The following AP1M1 variants were observed in gnomAD, a reference collection of about 807,000 sequenced individuals.
The protein encoded by AP1M1 is adaptor related protein complex 1 subunit mu 1.
Under a neutral mutation model 57.1 loss-of-function variants are expected in AP1M1, and 18 were observed. The ratio of observed to expected loss-of-function variants is 0.32; its 90% CI spans 0.22 to 0.47. AP1M1 has a LOEUF of 0.47. Ranked by LOEUF, AP1M1 falls within the 20% of genes least tolerant of loss-of-function variation. The pLI, the probability that AP1M1 is intolerant of heterozygous loss-of-function variation, is 1.00. For synonymous variants in AP1M1, 241 were observed against 237.9 expected (o/e 1.01, Z -0.12); for missense variants, 362 against 593.5 (o/e 0.61, Z 4.05).
intron 5 of AP1M1, among the ~76,000 whole-genome samples, chr19:16,225,210 C>T (rs1599463863): frequency 1.3e-5 from 2 of 152,194 alleles, no homozygotes; most frequent in African/African-American, 4.8e-5. Flanking sequence ...GTTTGTCTAC[C>T]CAGTGCTTTT....
intron 2 of AP1M1, among the ~76,000 whole-genome samples, chr19:16,204,156 G>A (rs2091460353): frequency 6.6e-6 from 1 of 152,084 alleles, no homozygotes; most frequent in African/African-American, 2.4e-5. Flanking sequence ...AGAGGACATG[G>A]GTAGGTGGGG....
rs1474543510 is a variant in AP1M1 at position 16,206,558 on chromosome 19, C to T, written c.267+150C>T. 1 of 755,022 alleles carries T rather than the reference C, an allele frequency of 1.3e-6. No homozygotes were observed. The highest frequency in any genetic ancestry group is 2.3e-6 in the Non-Finnish European group (1 of 443,792). 46.8% of individuals were successfully genotyped at this position (755,022 alleles called of 1,614,324 possible). On this transcript the variant is annotated intron_variant, in intron 3 of 11. Coordinates refer to ENST00000291439, the MANE Select transcript of AP1M1 (RefSeq NM_032493.4). The surrounding 1 kb of genome is among the most constrained non-coding windows in gnomAD (Gnocchi z 4.3). Reference sequence around the variant, plus strand: ...GCCCAGGAAGTGGGAAAGGGGAGTCCCAACTCCCCACGCCTGTGGAATTCT... The same window carrying T: ...GCCCAGGAAGTGGGAAAGGGGAGTCTCAACTCCCCACGCCTGTGGAATTCT...
At chr19:16,211,604 GC>G in intron 5 of AP1M1, among the ~76,000 whole-genome samples, 1 of 152,224 alleles carries the variant, frequency 6.6e-6, no homozygotes, top group Admixed American at 6.5e-5. Context: ...AGGAAAATTA[GC>G]CGGGCGTGGT....
intron 5 of AP1M1, among the ~76,000 whole-genome samples, chr19:16,213,494 G>A (rs1345761715): frequency 1.3e-5 from 2 of 151,744 alleles, no homozygotes; most frequent in East Asian, 3.9e-4. Flanking sequence ...ATCTGAGATG[G>A]GTCTTTTTTT....
Position 16,236,084 on chromosome 19 carries a change from CT to C in AP1M1, c.*1650del, listed in dbSNP as rs1302176515. 6.6e-6 allele frequency: 1 copy of C among 150,542 alleles called. No homozygotes were observed. The highest frequency in any genetic ancestry group is 1.5e-5 in the Non-Finnish European group (1 of 68,202). 9.3% of individuals were successfully genotyped at this position (150,542 alleles called of 1,614,324 possible). On this transcript the variant is annotated 3_prime_UTR_variant, in exon 12 of 12. Coordinates refer to ENST00000291439, the MANE Select transcript of AP1M1 (RefSeq NM_032493.4). ...TGAAGGCATCCCTGGGGCCCCTCCCCTCACTGTCCACACCCATATCAGCAGC... is the reference window on the plus strand; with the variant it reads ...TGAAGGCATCCCTGGGGCCCCTCCCCCACTGTCCACACCCATATCAGCAGC...
rs1362441824 is a variant in AP1M1, at chr19:16,241,679, G to A, written c.*7244G>A. 1 of 152,116 alleles carries A rather than the reference G, an allele frequency of 6.6e-6. No homozygotes were observed. The highest frequency in any genetic ancestry group is 1.9e-4 in the East Asian group (1 of 5,178). 9.4% of individuals were successfully genotyped at this position (152,116 alleles called of 1,614,324 possible). Reference sequence around the variant, plus strand: ...ACTTTTAACAGATTAATAGGAAGAAGGAAAAGAGAAGGAGGCGTAGAAAAA... The same window carrying A: ...ACTTTTAACAGATTAATAGGAAGAAAGAAAAGAGAAGGAGGCGTAGAAAAA... On this transcript the variant is annotated 3_prime_UTR_variant, in exon 12 of 12. Coordinates refer to ENST00000291439, the MANE Select transcript of AP1M1 (RefSeq NM_032493.4).
At chr19:16,216,993 A>T (rs1389102831) in intron 5 of AP1M1, among the ~76,000 whole-genome samples, 1 of 152,026 alleles carries the variant, frequency 6.6e-6, no homozygotes, top group African/African-American at 2.4e-5. Flanking sequence ...AGCCTCTGGG[A>T]GGGCATTTGT....
intron 9 of AP1M1, among the ~76,000 whole-genome samples, chr19:16,233,037 C>T (rs899821274): frequency 2.0e-5 from 3 of 152,230 alleles, no homozygotes; most frequent in African/African-American, 7.2e-5. Context: ...CCTGGACACT[C>T]TCTTTTCTTT....
At chr19:16,229,524 C>T (rs977763049) in intron 9 of AP1M1, among the ~76,000 whole-genome samples, 1 of 152,214 alleles carries the variant, frequency 6.6e-6, no homozygotes, top group African/African-American at 2.4e-5. Context: ...CCGGGTGGCA[C>T]TGACCTGCTC....
rs758217283 is a variant in AP1M1, at chr19:16,207,977, T to C, written c.268-42T>C. ...ATTCATTCCTCATCCGTCCGCTCAA[T>C]GATCTGCCTCCCATTCCTCCCTCCC... On this transcript the variant is annotated intron_variant, in intron 3 of 11. Transcript: ENST00000291439. This position sits in a 1 kb window ranked among gnomAD's most constrained non-coding sequence, Gnocchi z 4.2. 8 of 1,591,014 alleles carry C rather than the reference T, an allele frequency of 5.0e-6. No homozygotes were observed. The African/African-American group carries it at 8.1e-5, about 16-fold the overall frequency.
intron 5 of AP1M1, among the ~76,000 whole-genome samples, chr19:16,217,732 G>A (rs117254812): frequency 5.3e-5 from 8 of 152,252 alleles, no homozygotes; most frequent in East Asian, 1.9e-4. Context: ...GTTCCCCTAC[G>A]GCTAAAGTCT....
chr19:16,198,009 A>ACCGCCCTCGGCCGCTGCCGC lies in AP1M1; in HGVS notation c.-18_-17insCCGCCCTCGGCCGCTGCCGC, dbSNP rs764465021. On this transcript the variant is annotated 5_prime_UTR_variant, in exon 1 of 12. Coordinates refer to ENST00000291439, the MANE Select transcript of AP1M1 (RefSeq NM_032493.4). ...CCGCCACCGCCCTCGGCCGCTGCCG[A>ACCGCCCTCGGCCGCTGCCGC]GGCCTCCTGCAGCCATCATGTCCGC... The ACCGCCCTCGGCCGCTGCCGC allele has an allele frequency of 3.0e-6, 4 of 1,311,670 alleles. No individual in the cohort carries two copies. The highest frequency in any genetic ancestry group is 3.6e-5 in the African/African-American group (1 of 28,006). The allele number at this position is 1,311,670 out of a possible 1,614,324, so 81.3% of individuals were successfully genotyped here. A position where few individuals can be genotyped will look rare whatever the true frequency, so the allele number is the denominator to read the frequency against.
rs2091652707 is a variant in AP1M1 at position 16,243,534 on chromosome 19, C to G, written c.*9099C>G. The G allele has an allele frequency of 6.6e-6, 1 of 151,526 alleles. No homozygotes were observed. Among genetic ancestry groups the G allele is most frequent in the African/African-American group, 2.4e-5 (1 of 41,234 alleles). 9.4% of individuals were successfully genotyped at this position (151,526 alleles called of 1,614,324 possible). A position where few individuals can be genotyped will look rare whatever the true frequency, so the allele number is the denominator to read the frequency against. ...TCAAGTGATCCACCTGCCTCAGCCT[C>G]CACAGTGCTGGAATTACAGGTGTGA... On this transcript the variant is annotated 3_prime_UTR_variant, in exon 12 of 12. Transcript: ENST00000291439.
intron 5 of AP1M1, among the ~76,000 whole-genome samples, chr19:16,211,033 C>T (rs1299421923): frequency 1.3e-5 from 2 of 151,128 alleles, no homozygotes; most frequent in Non-Finnish European, 2.9e-5. Context: ...TAGAAGTCCT[C>T]TGTCAGATAG....
Position 16,243,930 on chromosome 19 carries a change from G to A in AP1M1, c.*9495G>A, listed in dbSNP as rs187901229. ...TGCACTCCAGCCTGGGCAACGAAAC[G>A]AGAGTCTGTCTCCAAATAAATAATT... On this transcript the variant is annotated 3_prime_UTR_variant, in exon 12 of 12. Transcript: ENST00000291439. 2 of 152,272 alleles carry A rather than the reference G, an allele frequency of 1.3e-5. No homozygotes were observed. Among genetic ancestry groups the A allele is most frequent in the Non-Finnish European group, 2.9e-5 (2 of 68,036 alleles). The allele number at this position is 152,272 out of a possible 1,614,324, so 9.4% of individuals were successfully genotyped here. A position where few individuals can be genotyped will look rare whatever the true frequency, so the allele number is the denominator to read the frequency against.
At position 16,228,158 on chromosome 19, in the gene AP1M1, G is replaced by A. The variant is rs376335032; in HGVS notation, c.838G>A (p.Glu280Lys). The change falls in exon 8 of 12, where the codon GAG becomes AAG. Residue 280 changes from glutamate (E) to lysine (K), a missense_variant. Coordinates refer to ENST00000291439, the MANE Select transcript of AP1M1 (RefSeq NM_032493.4). The surrounding 1 kb of genome is among the most constrained non-coding windows in gnomAD (Gnocchi z 5.0). Reference protein sequence around the residue: ...NTHVKPLIWIESVIEKHSHSR... With the variant: ...NTHVKPLIWIKSVIEKHSHSR... Reference sequence around the variant, plus strand: ...GCAGGTCAAGCCTTTGATATGGATCGAGTCGGTGATCGAGAAGCACTCCCA... The same window carrying A: ...GCAGGTCAAGCCTTTGATATGGATCAAGTCGGTGATCGAGAAGCACTCCCA... 1 of 1,613,846 alleles carries A rather than the reference G, an allele frequency of 6.2e-7. No individual in the cohort carries two copies. Among genetic ancestry groups the A allele is most frequent in the Non-Finnish European group, 8.5e-7 (1 of 1,180,020 alleles).
Position 16,206,517 on chromosome 19 carries a change from A to G in AP1M1, c.267+109A>G. 8.4e-7 allele frequency: 1 copy of G among 1,183,700 alleles called. No homozygotes were observed. Among genetic ancestry groups the G allele is most frequent in the Non-Finnish European group, 1.2e-6 (1 of 811,286 alleles). 73.3% of individuals were successfully genotyped at this position (1,183,700 alleles called of 1,614,324 possible). ...ACAGAGAGCTGTGGCATCCCCAGGG[A>G]GCACTGGGGCTGGAAGCCCAGGAAG... is the stretch of plus-strand genomic sequence containing the variant. On this transcript the variant is annotated intron_variant, in intron 3 of 11. Transcript: ENST00000291439. This position sits in a 1 kb window ranked among gnomAD's most constrained non-coding sequence, Gnocchi z 4.3.
In AP1M1 at chr19:16,202,499, A is replaced by C. The variant is rs551987734; in HGVS notation, c.43-960A>C. Among the ~76,000 whole-genome samples the C allele has an allele frequency of 4.6e-5, 7 of 152,290 alleles. No homozygotes were observed. In the South Asian group the frequency reaches 1.4e-3, roughly 32 times the overall value. On this transcript the variant is annotated intron_variant, in intron 1 of 11. Transcript: ENST00000291439. ...TTCCATCGCCCCCGAAAGCTTCTTC[A>C]CACCCCTTTGCTGTCTAGCCCCATC...
In AP1M1 at chr19:16,222,204, TA is replaced by T. The variant is rs1486461747; in HGVS notation, c.547-4216del. 5.8e-3 allele frequency among the ~76,000 whole-genome samples: 770 copies of T among 133,534 alleles called. 6 individuals carry two copies. Among genetic ancestry groups the T allele is most frequent in the African/African-American group, 0.015 (505 of 33,644 alleles). The allele number at this position is 133,534 out of a possible 152,430, so 87.6% of individuals were successfully genotyped here. A position where few individuals can be genotyped will look rare whatever the true frequency, so the allele number is the denominator to read the frequency against. On this transcript the variant is annotated intron_variant, in intron 5 of 11. Transcript: ENST00000291439. ...CTGTTATTATTATTATTACTATTATTATTATTATTTTTTTTTTTTTTGAGAT... is the reference window on the plus strand; with the variant it reads ...CTGTTATTATTATTATTACTATTATTTTATTATTTTTTTTTTTTTTGAGAT...
Sources: gnomAD v4.1 joint callset for allele counts (sites outside exome capture counted in the v4.1 genomes callset) on GRCh38, gnomAD v4.1.1 for gene constraint, Gnocchi (gnomAD v3.1) non-coding constraint, MANE v1.5 for transcripts, NCBI Gene and HGNC (gene_info 2026-07-23, HGNC 2026-07-21) for gene names.